The following HECTD3 variants were observed in gnomAD, a reference collection of about 807,000 sequenced individuals.
The protein encoded by HECTD3 is E3 ubiquitin-protein ligase HECTD3.
Under a neutral mutation model 109.3 loss-of-function variants are expected in HECTD3, and 72 were observed. That is an observed-to-expected ratio of 0.66 (90% CI 0.54 to 0.80). The LOEUF is 0.80. HECTD3 is among the 30% of genes least tolerant of loss of function. The pLI is 0.00. For synonymous variants in HECTD3, 481 were observed against 471.8 expected (o/e 1.02, Z -0.25); for missense variants, 1,041 against 1,165.2 (o/e 0.89, Z 1.55).
Position 45,011,013 on chromosome 1 carries a change from G to A in HECTD3, c.245C>T (p.Pro82Leu), listed in dbSNP as rs1164175665. The A allele has an allele frequency of 4.9e-6, 7 of 1,438,560 alleles. No homozygotes were observed. The highest frequency in any genetic ancestry group is 6.3e-6 in the Non-Finnish European group (7 of 1,105,610). 89.1% of individuals were successfully genotyped at this position (1,438,560 alleles called of 1,614,324 possible). Residue 82 changes from proline to leucine, a missense_variant, in exon 1 of 21, where the codon CCC (proline) becomes CTC (leucine). Around this residue, in one of 2 missense-constraint regions of HECTD3, gnomAD observed 472 missense variants for 449.9 expected, o/e 1.05. Coordinates refer to ENST00000372172, the MANE Select transcript of HECTD3 (RefSeq NM_024602.6). ...GCGGAGGGGCCCGGAGCCGGTACCG[G>A]GGGCTGGGCCTGCGGCGCCCACACG... ...GLRVGAAGPA[P>L]GTGSGPLRAA...
chr1:45,009,025 T>C, intron 7 of HECTD3, 119 bp downstream of exon 7: 1 of 834,314 alleles, frequency 1.2e-6, no homozygotes, highest in Non-Finnish European at 2.0e-6. Flanking sequence ...ATCCTGGAGT[T>C]AGTTCAGCAT....
At chr1:45,005,624 G>A (rs1353110139) in intron 15 of HECTD3, 170 bp downstream of exon 15, 1 of 542,490 alleles carries the variant, frequency 1.8e-6, no homozygotes, top group African/African-American at 1.9e-5. Flanking sequence ...TGGGGCTAGA[G>A]GTCAGGATTT....
intron 4 of HECTD3, 33 bp downstream of exon 4, chr1:45,009,953 C>T: frequency 1.3e-6 from 2 of 1,517,666 alleles, no homozygotes; most frequent in South Asian, 1.3e-5. Context: ...GTGACTATAT[C>T]TTGCCTGGGG....
At chr1:45,005,657 A>G in intron 15 of HECTD3, 137 bp downstream of exon 15, 2 of 657,696 alleles carry the variant, frequency 3.0e-6, no homozygotes, top group Non-Finnish European at 5.2e-6. Context: ...GTCTACAGAC[A>G]GTAGTTGAAG....
chr1:45,010,169 C>T, intron 3 of HECTD3, 32 bp downstream of exon 3: 1 of 1,613,910 alleles, frequency 6.2e-7, no homozygotes, highest in Non-Finnish European at 8.5e-7. Context: ...ACGCAGAGCT[C>T]CTTCCTCCCC....
intron 2 of HECTD3, 126 bp downstream of exon 2, chr1:45,010,420 C>T (rs2148979444): frequency 1.4e-6 from 2 of 1,467,912 alleles, no homozygotes; most frequent in Middle Eastern, 2.1e-4. Context: ...TCACGTCCCG[C>T]CCCTTTCTGC....
chr1:45,003,347 C>A lies in HECTD3; in HGVS notation c.*145G>T. ...AGTGTTACCTGACCATGCCAGCTGC[C>A]CCTACCCCAACTGCACACAGGAGCA... On this transcript the variant is annotated 3_prime_UTR_variant, in exon 21 of 21. Transcript: ENST00000372172. This position sits in a 1 kb window ranked among gnomAD's most constrained non-coding sequence, Gnocchi z 4.7. 1 of 693,034 alleles carries A rather than the reference C, an allele frequency of 1.4e-6. No individual in the cohort carries two copies. The allele number at this position is 693,034 out of a possible 1,614,324, so 42.9% of individuals were successfully genotyped here.
At position 45,010,136 on chromosome 1, in the gene HECTD3, G is replaced by A. The variant is rs898562966; in HGVS notation, c.624-15C>T. On this transcript the variant is annotated splice_polypyrimidine_tract_variant and intron_variant, in intron 3 of 20. Coordinates refer to ENST00000372172, the MANE Select transcript of HECTD3 (RefSeq NM_024602.6). ...GGGGTACATAGCTAAGCAACCCCAA[G>A]CCCCTAATTAGACTGGGCCCAGACG... The A allele has an allele frequency of 1.9e-6, 3 of 1,612,944 alleles. No individual in the cohort carries two copies. Among genetic ancestry groups the A allele is most frequent in the African/African-American group, 2.7e-5 (2 of 74,864 alleles).
rs1010012329 is a variant in HECTD3, at chr1:45,003,151, T to C, written c.*341A>G. Reference sequence around the variant, plus strand: ...GAAAATAGGAGAAAAAAGGCGGAGCTGAAAATGGAGGCAAAGTCCATGGGT... The same window carrying C: ...GAAAATAGGAGAAAAAAGGCGGAGCCGAAAATGGAGGCAAAGTCCATGGGT... On this transcript the variant is annotated 3_prime_UTR_variant, in exon 21 of 21. Transcript: ENST00000372172. The surrounding 1 kb of genome is among the most constrained non-coding windows in gnomAD (Gnocchi z 4.7). 3.0e-5 allele frequency: 8 copies of C among 263,742 alleles called. No individual in the cohort carries two copies. Among genetic ancestry groups the C allele is most frequent in the African/African-American group, 1.5e-4 (7 of 46,250 alleles). The allele number at this position is 263,742 out of a possible 1,614,324, so 16.3% of individuals were successfully genotyped here. A position where few individuals can be genotyped will look rare whatever the true frequency, so the allele number is the denominator to read the frequency against.
intron 11 of HECTD3, 81 bp downstream of exon 11, chr1:45,007,138 G>A: frequency 1.5e-6 from 2 of 1,303,726 alleles, no homozygotes; most frequent in Non-Finnish European, 2.2e-6. Context: ...GTGTGTGTGT[G>A]TGTGTGTGTG....
At chr1:45,005,596 C>T (rs1644728536) in intron 15 of HECTD3, 198 bp downstream of exon 15, 1 of 485,708 alleles carries the variant, frequency 2.1e-6, no homozygotes, top group South Asian at 4.6e-5. Context: ...CATATATGGC[C>T]CCAGGCTTAG....
Position 45,006,162 on chromosome 1 carries a change from T to A in HECTD3, c.1726-46A>T. 1 of 1,592,454 alleles carries A rather than the reference T, an allele frequency of 6.3e-7. No homozygotes were observed. The highest frequency in any genetic ancestry group is 8.6e-7 in the Non-Finnish European group (1 of 1,163,938). ...TGAGTGTGGCATGAGATACACCCTATTTTCCTGGCCCAAAGACTTCCCTGA... is the reference window on the plus strand; with the variant it reads ...TGAGTGTGGCATGAGATACACCCTAATTTCCTGGCCCAAAGACTTCCCTGA... On this transcript the variant is annotated intron_variant, in intron 13 of 20. Transcript: ENST00000372172. This position sits in a 1 kb window ranked among gnomAD's most constrained non-coding sequence, Gnocchi z 4.7.
rs761142838 is a variant in HECTD3, at chr1:45,006,784, G to A, written c.1633C>T (p.Arg545Trp). Residue 545 changes from arginine to tryptophan, a missense_variant, in exon 13 of 21, where the codon CGG becomes TGG. Around this residue, in one of 2 missense-constraint regions of HECTD3, gnomAD observed 569 missense variants for 715.3 expected, o/e 0.80. Coordinates refer to ENST00000372172, the MANE Select transcript of HECTD3 (RefSeq NM_024602.6). The surrounding 1 kb of genome is among the most constrained non-coding windows in gnomAD (Gnocchi z 4.7). Reference protein sequence around the residue: ...EGIIDQGGGFRDSLADMSEEL... With the variant: ...EGIIDQGGGFWDSLADMSEEL... Reference sequence around the variant, plus strand: ...TCTGACATATCTGCCAGGCTGTCCCGGAAACCACCCCCTGAAATGACAGAT... The same window carrying A: ...TCTGACATATCTGCCAGGCTGTCCCAGAAACCACCCCCTGAAATGACAGAT... 5.6e-6 allele frequency: 9 copies of A among 1,612,690 alleles called. No homozygotes were observed. Among genetic ancestry groups the A allele is most frequent in the East Asian group, 2.2e-5 (1 of 44,856 alleles).
rs935090022 is a variant in HECTD3 at position 45,006,674 on chromosome 1, G to A, written c.1725+18C>T. 2.5e-6 allele frequency: 4 copies of A among 1,598,230 alleles called. No individual in the cohort carries two copies. The highest frequency in any genetic ancestry group is 2.6e-6 in the Non-Finnish European group (3 of 1,169,304). On this transcript the variant is annotated intron_variant, in intron 13 of 20. Transcript: ENST00000372172. This position sits in a 1 kb window ranked among gnomAD's most constrained non-coding sequence, Gnocchi z 4.7. ...ATCTGGCACCTGGGAGGTTTGCAGA[G>A]ATGGAAACGGAGATTACCTGGTTGG... is the stretch of plus-strand genomic sequence containing the variant.
chr1:45,010,809 C>G (rs1644783874), intron 1 of HECTD3, 80 bp downstream of exon 1: 1 of 1,509,758 alleles, frequency 6.6e-7, no homozygotes, highest in African/African-American at 1.4e-5. Flanking sequence ...CAACTCAATA[C>G]AGGGGAGAAA....
In HECTD3 at chr1:45,003,639, G is replaced by GC; in HGVS notation, c.2501+29dup. 6.2e-7 allele frequency: 1 copy of GC among 1,612,218 alleles called. No individual in the cohort carries two copies. The highest frequency in any genetic ancestry group is 8.5e-7 in the Non-Finnish European group (1 of 1,178,226). On this transcript the variant is annotated intron_variant, in intron 20 of 20. Transcript: ENST00000372172. This position sits in a 1 kb window ranked among gnomAD's most constrained non-coding sequence, Gnocchi z 4.7. ...TACCAGGGGTGATGGGGTCCCCTGG[G>GC]CCCCAAATCGAGCCTAGGAAAAAAC... is the stretch of plus-strand genomic sequence containing the variant.
Position 45,005,905 on chromosome 1 carries a change from C to A in HECTD3, c.1846-22G>T, listed in dbSNP as rs755123440. On this transcript the variant is annotated intron_variant, in intron 14 of 20. Transcript: ENST00000372172. ...GGACCTGTGTGACAAACACTCCCCA[C>A]TGTCTTCTCACCCTGAGCTGCCCAG... 2.5e-6 allele frequency: 4 copies of A among 1,604,596 alleles called. No homozygotes were observed. The African/African-American group carries it at 5.3e-5, about 21-fold the overall frequency.
Position 45,005,920 on chromosome 1 carries a change from G to T in HECTD3, c.1846-37C>A, listed in dbSNP as rs371038469. 1,689 of 1,605,586 alleles carry T rather than the reference G, an allele frequency of 1.1e-3. 22 individuals are homozygous for T. In the South Asian group the frequency reaches 0.015, roughly 14 times the overall value. Reference sequence around the variant, plus strand: ...ACACTCCCCACTGTCTTCTCACCCTGAGCTGCCCAGGTTTGGCTGGCCTTT... The same window carrying T: ...ACACTCCCCACTGTCTTCTCACCCTTAGCTGCCCAGGTTTGGCTGGCCTTT... On this transcript the variant is annotated intron_variant, in intron 14 of 20. Coordinates refer to ENST00000372172, the MANE Select transcript of HECTD3 (RefSeq NM_024602.6).
chr1:45,009,422 G>A lies in HECTD3; in HGVS notation c.936C>T (p.Val312=), dbSNP rs1644764095. ...DDNFMPKRVV[V]YGGEGDNLKK... ...TCAGGTTGTCCCCTTCACCCCCATA[G>A]ACCACCACCCGCTTTGGCATAAAGT... The change falls in exon 6 of 21, where the codon GTC becomes GTT. Residue 312 remains valine (V), a synonymous_variant. Coordinates refer to ENST00000372172, the MANE Select transcript of HECTD3 (RefSeq NM_024602.6). The A allele has an allele frequency of 1.2e-6, 2 of 1,613,994 alleles. No individual in the cohort carries two copies. The highest frequency in any genetic ancestry group is 1.3e-5 in the African/African-American group (1 of 74,912).
Sources: allele counts gnomAD v4.1 joint callset, GRCh38; gene constraint gnomAD v4.1.1; regional missense constraint gnomAD v4.1.1; non-coding constraint Gnocchi (gnomAD v3.1); transcripts MANE v1.5; gene names NCBI Gene and HGNC (gene_info 2026-07-23, HGNC 2026-07-21).